The following CNKSR2 variants were observed in gnomAD, a reference collection of about 807,000 sequenced individuals.
The protein encoded by CNKSR2 is CNK homolog protein 2.
CNKSR2 carries 14 observed loss-of-function variants against 84.4 expected under a neutral mutation model. That is an observed-to-expected ratio of 0.17 (90% confidence interval 0.11 to 0.26). The LOEUF is 0.26. Among genes scored for constraint, CNKSR2 ranks in the 10% least tolerant of loss-of-function variants. The pLI is 1.00. For missense variants in CNKSR2, 485 were observed against 771.2 expected, an observed-to-expected ratio of 0.63 and a Z score of 4.40; for synonymous variants, 275 against 277.9, an observed-to-expected ratio of 0.99 and a Z score of 0.10.
chrX:21,601,383 T>C (rs2092481139), intron 18 of CNKSR2, 34 bp downstream of exon 18: 1 of 900,134 alleles, frequency 1.1e-6, no homozygotes. Flanking sequence ...AATTATGTTA[T>C]ACTTTTTTTC....
At chrX:21,597,401 G>A (rs185344072) in intron 17 of CNKSR2, among the ~76,000 whole-genome samples, 12 of 111,413 alleles carry the variant, frequency 1.1e-4, no homozygotes, top group Non-Finnish European at 2.3e-4. Context: ...TAAAAAGGCC[G>A]TCTCCACATT....
At chrX:21,375,113 C>T (rs2089789288) in intron 1 of CNKSR2, 152 bp downstream of exon 1, 1 of 513,232 alleles carries the variant, frequency 1.9e-6, no homozygotes, top group South Asian at 2.8e-5. Context: ...CCAGGACTGG[C>T]AGGGGCCTGG....
intron 20 of CNKSR2, among the ~76,000 whole-genome samples, chrX:21,612,312 G>A (rs941412229): frequency 8.9e-6 from 1 of 111,837 alleles, no homozygotes; most frequent in Non-Finnish European, 1.9e-5. Flanking sequence ...CAGCCTTAAC[G>A]TCCTGTACAT....
chrX:21,586,772 G>A (rs951178256), intron 13 of CNKSR2, among the ~76,000 whole-genome samples: 3 of 111,155 alleles, frequency 2.7e-5, no homozygotes, highest in African/African-American at 6.5e-5. Flanking sequence ...ACACTCTATC[G>A]ATAAGATAAA....
In CNKSR2 at chrX:21,552,875, G is replaced by A. The variant is rs145851790; in HGVS notation, c.1304-8596G>A. Among the ~76,000 whole-genome samples the A allele has an allele frequency of 6.1e-3, 678 of 111,891 alleles. 7 individuals are homozygous for A. Among genetic ancestry groups the A allele is most frequent in the African/African-American group, 0.021 (638 of 30,881 alleles). On this transcript the variant is annotated intron_variant, in intron 11 of 21. Transcript: ENST00000379510. ...GAAAATGTCAGGTGTAATATTCAGT[G>A]TTCAAAAAGAGATAAGTAAAAATTA...
chrX:21,513,664 AT>A (rs1307986824), intron 8 of CNKSR2, among the ~76,000 whole-genome samples: 1 of 111,877 alleles, frequency 8.9e-6, no homozygotes, highest in Non-Finnish European at 1.9e-5. Context: ...AGTGAGACTT[AT>A]AAAATCTTGA....
intron 13 of CNKSR2, among the ~76,000 whole-genome samples, chrX:21,589,380 G>T (rs186386275): frequency 7.9e-4 from 89 of 111,980 alleles, no homozygotes; most frequent in South Asian, 7.4e-3. Context: ...TGAATTTATT[G>T]TGAAAAAAGA....
rs1180933938 is a variant in CNKSR2 at position 21,627,475 on chromosome X, G to T, written c.2692+17858G>T. Among the ~76,000 whole-genome samples, 3 of 111,512 alleles carry T rather than the reference G, an allele frequency of 2.7e-5. No individual in the cohort carries two copies. In the Admixed American group the frequency reaches 2.8e-4, roughly 11 times the overall value. ...GATCGTGCCACTGCACTCCAGCCTG[G>T]GCGACTGAGCAAGACTCCATCTCAA... On this transcript the variant is annotated intron_variant, in intron 20 of 21. Transcript: ENST00000379510.
At chrX:21,585,290 T>C (rs1486691173) in intron 13 of CNKSR2, among the ~76,000 whole-genome samples, 1 of 104,966 alleles carries the variant, frequency 9.5e-6, no homozygotes, top group African/African-American at 3.4e-5. Flanking sequence ...AATATATGTA[T>C]AAATTCATAA....
At chrX:21,569,172 T>G (rs1240693262) in intron 13 of CNKSR2, among the ~76,000 whole-genome samples, 2 of 111,663 alleles carry the variant, frequency 1.8e-5, no homozygotes, top group African/African-American at 3.3e-5. Flanking sequence ...TAGGAAATAT[T>G]GCTAAAATAT....
intron 1 of CNKSR2, among the ~76,000 whole-genome samples, chrX:21,394,299 GT>G (rs1004325692): frequency 1.8e-5 from 2 of 111,329 alleles, no homozygotes; most frequent in Non-Finnish European, 3.8e-5. Context: ...GCTCACATGT[GT>G]TTGCCTTATG....
chrX:21,558,629 C>A (rs1275992397), intron 11 of CNKSR2, among the ~76,000 whole-genome samples: 1 of 109,713 alleles, frequency 9.1e-6, no homozygotes, highest in Non-Finnish European at 1.9e-5. Flanking sequence ...AATTATACAA[C>A]CAGACATATC....
intron 20 of CNKSR2, among the ~76,000 whole-genome samples, chrX:21,632,874 G>A (rs1337591925): frequency 4.5e-5 from 5 of 111,420 alleles, no homozygotes; most frequent in Non-Finnish European, 9.4e-5. Flanking sequence ...AGATAGATCT[G>A]ATGAATTAGC....
At chrX:21,430,811 C>T (rs1004870785) in intron 2 of CNKSR2, among the ~76,000 whole-genome samples, 10 of 111,329 alleles carry the variant, frequency 9.0e-5, no homozygotes, top group African/African-American at 3.3e-4. Context: ...CTGTAGTGAC[C>T]GGCTGGACAA....
In CNKSR2 at chrX:21,451,399, C is replaced by G. The variant is rs932584032; in HGVS notation, c.519+10618C>G. The stretch of plus-strand genomic sequence containing the variant: ...TGCTGCTATAAAGACACATGCACAC[C>G]TATGTTTATTGCGGCACTATTCACA... On this transcript the variant is annotated intron_variant, in intron 4 of 21. Coordinates refer to ENST00000379510, the MANE Select transcript of CNKSR2 (RefSeq NM_014927.5). Among the ~76,000 whole-genome samples the G allele has an allele frequency of 7.2e-5, 8 of 110,719 alleles. No homozygotes were observed. In the South Asian group the frequency reaches 2.3e-3, roughly 32 times the overall value.
intron 1 of CNKSR2, among the ~76,000 whole-genome samples, chrX:21,383,843 G>A (rs1450290586): frequency 2.7e-5 from 3 of 111,352 alleles, no homozygotes; most frequent in African/African-American, 9.8e-5. Context: ...ACCAAAGATT[G>A]TAAAAGAATC....
At chrX:21,410,032 CTGTGTGTGTGTGTGTGTG>C (rs60351010) in intron 1 of CNKSR2, among the ~76,000 whole-genome samples, 3 of 97,675 alleles carry the variant, frequency 3.1e-5, no homozygotes, top group African/African-American at 1.1e-4. Flanking sequence ...CTAATTGTGT[CTGTGTGTGTGTGTGTGTG>C]TGTGTGTGTG....
chrX:21,403,230 A>G (rs2090216746), intron 1 of CNKSR2, among the ~76,000 whole-genome samples: 1 of 111,343 alleles, frequency 9.0e-6, no homozygotes, highest in Non-Finnish European at 1.9e-5. Flanking sequence ...TGCAGGTAAC[A>G]GGCATAGGGG....
intron 1 of CNKSR2, chrX:21,424,706 C>T (rs2090542378): frequency 1.8e-5 from 2 of 111,813 alleles, no homozygotes; most frequent in South Asian, 7.4e-4. Context: ...GTCTTATTTA[C>T]CCTTTTATCT....
Sources: gnomAD v4.1 joint callset for allele counts (sites outside exome capture counted in the v4.1 genomes callset) on GRCh38, gnomAD v4.1.1 for gene constraint, MANE v1.5 for transcripts, NCBI Gene and HGNC (gene_info 2026-07-23, HGNC 2026-07-21) for gene names.